LTBR: variants seen among roughly 807,000 people sequenced by gnomAD.
The protein encoded by LTBR is lymphotoxin beta receptor, also known as tumor necrosis factor receptor superfamily member 3.
A neutral mutation model predicts 45.4 loss-of-function variants in LTBR; 15 were observed. That is an observed-to-expected ratio of 0.33 (90% confidence interval 0.22 to 0.51). The LOEUF (loss-of-function observed/expected upper bound fraction) is 0.51, where lower values mean the gene tolerates loss of function less well. Ranked by LOEUF, LTBR falls within the 20% of genes least tolerant of loss-of-function variation. The pLI, the probability that LTBR is intolerant of heterozygous loss-of-function variation, is 0.97. For synonymous variants in LTBR, 228 were observed against 231.0 expected (o/e 0.99, Z 0.12); for missense variants, 450 against 565.5 (o/e 0.80, Z 2.07).
rs1555117347 is a variant in LTBR at position 6,386,467 on chromosome 12, C to CA, written c.667+24dup. ...CAGGTGAGGGACCAGGGCTGAGGGACACGGGGGGGGCGCCTCTGAAAATGC... is the reference window on the plus strand; with the variant it reads ...CAGGTGAGGGACCAGGGCTGAGGGACAACGGGGGGGGCGCCTCTGAAAATGC... On this transcript the variant is annotated intron_variant, in intron 6 of 9. Transcript: ENST00000228918. The surrounding 1 kb of genome is among the most constrained non-coding windows in gnomAD (Gnocchi z 4.1). 1 of 1,410,322 alleles carries CA rather than the reference C, an allele frequency of 7.1e-7. No homozygotes were observed. Among genetic ancestry groups the CA allele is most frequent in the African/African-American group, 2.7e-5 (1 of 36,516 alleles). 87.4% of individuals were successfully genotyped at this position (1,410,322 alleles called of 1,614,324 possible). A position where few individuals can be genotyped will look rare whatever the true frequency, so the allele number is the denominator to read the frequency against.
chr12:6,390,617 C>G lies in LTBR; in HGVS notation c.1031-43C>G, dbSNP rs752836834. 7.3e-6 allele frequency: 11 copies of G among 1,496,742 alleles called. No homozygotes were observed. In the South Asian group the frequency reaches 1.6e-4, roughly 21 times the overall value. 92.7% of individuals were successfully genotyped at this position (1,496,742 alleles called of 1,614,324 possible). On this transcript the variant is annotated intron_variant, in intron 9 of 9. Coordinates refer to ENST00000228918, the MANE Select transcript of LTBR (RefSeq NM_002342.3). Reference sequence around the variant, plus strand: ...GAATTCAAGAAGCAGCGGGCCTGAACTGGGGGCCTTCCTTCCTCAACACTC... The same window carrying G: ...GAATTCAAGAAGCAGCGGGCCTGAAGTGGGGGCCTTCCTTCCTCAACACTC...
At position 6,386,519 on chromosome 12, in the gene LTBR, T is replaced by C; in HGVS notation, c.667+75T>C. ...TTAATGCTCCACATCTTAAAAAAAA[T>C]GGGGAAAAGATGAACACTTCCCTCC... On this transcript the variant is annotated intron_variant, in intron 6 of 9. Coordinates refer to ENST00000228918, the MANE Select transcript of LTBR (RefSeq NM_002342.3). The surrounding 1 kb of genome is among the most constrained non-coding windows in gnomAD (Gnocchi z 4.1). 8.5e-7 allele frequency: 1 copy of C among 1,174,336 alleles called. No homozygotes were observed. Among genetic ancestry groups the C allele is most frequent in the South Asian group, 1.3e-5 (1 of 75,242 alleles). The allele number at this position is 1,174,336 out of a possible 1,614,324, so 72.7% of individuals were successfully genotyped here.
In LTBR at chr12:6,390,903, G is replaced by T; in HGVS notation, c.1274G>T (p.Arg425Met). The T allele has an allele frequency of 6.3e-7, 1 of 1,582,402 alleles. No homozygotes were observed. Among genetic ancestry groups the T allele is most frequent in the Non-Finnish European group, 8.6e-7 (1 of 1,166,610 alleles). Residue 425 changes from arginine to methionine, a missense_variant, in exon 10 of 10, where the codon AGG becomes ATG. Coordinates refer to ENST00000228918, the MANE Select transcript of LTBR (RefSeq NM_002342.3). The stretch of plus-strand genomic sequence containing the variant: ...CACTGTGGTGCCACACCCTCTAACA[G>T]GGGCCCAAGGAACCAATTTATCACC... Reference protein sequence around the residue: ...TEHCGATPSNRGPRNQFITHD With the variant: ...TEHCGATPSNMGPRNQFITHD
upstream of LTBR, among the ~76,000 whole-genome samples, chr12:6,382,016 C>T (rs991967096): frequency 1.3e-5 from 2 of 151,958 alleles, no homozygotes; most frequent in African/African-American, 2.4e-5. Context: ...TGTTCTGGAC[C>T]AGTTGGGGGA....
intron 8 of LTBR, chr12:6,389,039 C>T: frequency 3.6e-6 from 2 of 556,304 alleles, no homozygotes; most frequent in East Asian, 3.1e-5. Flanking sequence ...AGTTCACATG[C>T]CCATGGAGCA....
At chr12:6,390,385 G>GA (rs760040112) in intron 9 of LTBR, 45 bp downstream of exon 9, 161 of 1,499,508 alleles carry the variant, frequency 1.1e-4, no homozygotes, top group Admixed American at 2.5e-4. Context: ...GGGAGGGAGG[G>GA]ATGGCTGGCA....
rs1949103056 is a variant in LTBR, at chr12:6,390,661, T to A, written c.1032T>A (p.Gly344=). 3.3e-6 allele frequency: 5 copies of A among 1,498,872 alleles called. No homozygotes were observed. Among genetic ancestry groups the A allele is most frequent in the Non-Finnish European group, 4.4e-6 (5 of 1,124,620 alleles). The allele number at this position is 1,498,872 out of a possible 1,614,324, so 92.8% of individuals were successfully genotyped here. Residue 344 remains glycine, a splice_region_variant and synonymous_variant, in exon 10 of 10, where the codon GGT becomes GGA. Transcript: ENST00000228918. The stretch of plus-strand genomic sequence containing the variant: ...AACACTCTGCCTCCCTTCCTACAGG[T>A]ACCAATGGCATTCATGTCACCGGCG... The part of the protein sequence containing the change: ...EPGEQSQVAH[G]TNGIHVTGGS...
At position 6,385,024 on chromosome 12, in the gene LTBR, A is replaced by C; in HGVS notation, c.196A>C (p.Thr66Pro). 1 of 1,614,156 alleles carries C rather than the reference A, an allele frequency of 6.2e-7. No homozygotes were observed. The highest frequency in any genetic ancestry group is 8.5e-7 in the Non-Finnish European group (1 of 1,180,024). Residue 66 changes from threonine (T) to proline (P), a missense_variant and splice_region_variant, in exon 3 of 10, where the codon ACC (threonine) becomes CCC (proline). Physicochemically the swap from Thr to Pro is conservative, Grantham distance 38 (BLOSUM62 -1). This residue lies in a region of LTBR where 367 missense variants were observed against 435.4 expected (regional missense o/e 0.84). Transcript: ENST00000228918. ...RICCSRCPPG[T>P]YVSAKCSRIR... ...CTACTGCTCCACTCACGTTCTAGGC[A>C]CCTATGTCTCAGCTAAATGTAGCCG...
Position 6,390,310 on chromosome 12 carries a change from G to A in LTBR, c.1000G>A (p.Glu334Lys). ...PLDLTREPQL[E>K]PGEQSQVAHG... ...GGACCTGACCAGGGAGCCGCAGTTG[G>A]AACCCGGGGAGCAGAGCCAGGTGGC... Residue 334 changes from glutamate to lysine, a missense_variant, in exon 9 of 10, where the codon GAA (glutamate) becomes AAA (lysine). Coordinates refer to ENST00000228918, the MANE Select transcript of LTBR (RefSeq NM_002342.3). 1.2e-6 allele frequency: 2 copies of A among 1,610,430 alleles called. No homozygotes were observed. Among genetic ancestry groups the A allele is most frequent in the Non-Finnish European group, 1.7e-6 (2 of 1,177,766 alleles).
exon 1 of LTBR, chr12:6,375,524 G>A (rs978424255): frequency 1.6e-5 from 24 of 1,535,272 alleles, no homozygotes; most frequent in African/African-American, 4.1e-5. Flanking sequence ...GCAGCGGCCT[G>A]GCTGGGGAGC....
chr12:6,388,392 T>G lies in LTBR; in HGVS notation c.668-6T>G. 1 of 1,610,212 alleles carries G rather than the reference T, an allele frequency of 6.2e-7. No homozygotes were observed. Among genetic ancestry groups the G allele is most frequent in the Non-Finnish European group, 8.5e-7 (1 of 1,176,908 alleles). On this transcript the variant is annotated splice_region_variant and splice_polypyrimidine_tract_variant and intron_variant, in intron 6 of 9. Coordinates refer to ENST00000228918, the MANE Select transcript of LTBR (RefSeq NM_002342.3). This position sits in a 1 kb window ranked among gnomAD's most constrained non-coding sequence, Gnocchi z 4.3. ...GTGATCACCCTCCTGTCTGCTGTCC[T>G]GGCAGGAACCATGCTGATGCTGGCC... is the stretch of plus-strand genomic sequence containing the variant.
chr12:6,384,902 C>T (rs1949021136), intron 2 of LTBR, 120 bp from the exon 3 acceptor site: 2 of 1,363,422 alleles, frequency 1.5e-6, no homozygotes, highest in Admixed American at 1.8e-5. Context: ...GCCGGAGGGC[C>T]ACTGGCAGGA....
intron 6 of LTBR, chr12:6,387,166 A>G (rs1437549928): frequency 6.6e-6 from 1 of 152,214 alleles, no homozygotes; most frequent in African/African-American, 2.4e-5. Context: ...TGCATGCACT[A>G]TAGAAAATTA....
In LTBR at chr12:6,388,694, G is replaced by C; in HGVS notation, c.776-106G>C. ...GAGTGACAGTGGCTTGTTCCTCTGG[G>C]CCCCCGGGTGGTCAAGTTGCTACAC... is the stretch of plus-strand genomic sequence containing the variant. On this transcript the variant is annotated intron_variant, in intron 7 of 9. Coordinates refer to ENST00000228918, the MANE Select transcript of LTBR (RefSeq NM_002342.3). This position sits in a 1 kb window ranked among gnomAD's most constrained non-coding sequence, Gnocchi z 4.3. 1 of 1,394,880 alleles carries C rather than the reference G, an allele frequency of 7.2e-7. No individual in the cohort carries two copies. The highest frequency in any genetic ancestry group is 1.0e-6 in the Non-Finnish European group (1 of 987,232). 86.4% of individuals were successfully genotyped at this position (1,394,880 alleles called of 1,614,324 possible). A position where few individuals can be genotyped will look rare whatever the true frequency, so the allele number is the denominator to read the frequency against.
chr12:6,375,758 G>A, intron 1 of LTBR: 1 of 1,409,620 alleles, frequency 7.1e-7, no homozygotes, highest in Non-Finnish European at 9.2e-7. Context: ...GGGACAGGAT[G>A]GCAGGTGAGG....
chr12:6,382,977 C>G (rs572760839), upstream of LTBR, among the ~76,000 whole-genome samples: 1 of 152,122 alleles, frequency 6.6e-6, no homozygotes, highest in Admixed American at 6.5e-5. Flanking sequence ...GTGATGTGGC[C>G]ATCACTCATT....
At chr12:6,378,497 A>G (rs1459409189) in intron 1 of LTBR, among the ~76,000 whole-genome samples, 1 of 152,096 alleles carries the variant, frequency 6.6e-6, no homozygotes, top group Non-Finnish European at 1.5e-5. Context: ...AAGGCACTTG[A>G]CCTCTATGGG....
Position 6,386,216 on chromosome 12 carries a change from A to G in LTBR, c.569+54A>G. ...CACCCTCTGAGAAGCCTCAGCTGCT[A>G]ACAACCCCCAGCGCCTATCCTTGAC... On this transcript the variant is annotated intron_variant, in intron 5 of 9. Transcript: ENST00000228918. This position sits in a 1 kb window ranked among gnomAD's most constrained non-coding sequence, Gnocchi z 4.1. The G allele has an allele frequency of 1.3e-6, 2 of 1,528,690 alleles. No homozygotes were observed. The highest frequency in any genetic ancestry group is 1.8e-6 in the Non-Finnish European group (2 of 1,103,678). The allele number at this position is 1,528,690 out of a possible 1,614,324, so 94.7% of individuals were successfully genotyped here. A position where few individuals can be genotyped will look rare whatever the true frequency, so the allele number is the denominator to read the frequency against.
chr12:6,383,998 G>C (rs1303102261), upstream of LTBR: 5 of 1,137,316 alleles, frequency 4.4e-6, no homozygotes, highest in Non-Finnish European at 5.4e-6. Flanking sequence ...TCCGAAGAAG[G>C]GAGGAGGCCG....
Sources: gnomAD v4.1 joint callset for allele counts (sites outside exome capture counted in the v4.1 genomes callset) on GRCh38, gnomAD v4.1.1 for gene constraint, gnomAD v4.1.1 regional missense constraint, Gnocchi (gnomAD v3.1) non-coding constraint, MANE v1.5 for transcripts, NCBI Gene and HGNC (gene_info 2026-07-23, HGNC 2026-07-21) for gene names.